The following CDK5RAP2 variants were observed in gnomAD, a reference collection of about 807,000 sequenced individuals.
The protein encoded by CDK5RAP2 is CDK5 regulatory subunit-associated protein 2.
Under a neutral mutation model 232.9 loss-of-function variants are expected in CDK5RAP2, and 147 were observed. That is an observed-to-expected ratio of 0.63 (90% confidence interval 0.55 to 0.72). CDK5RAP2 has a LOEUF of 0.72. Ranked by LOEUF, CDK5RAP2 falls within the 30% of genes least tolerant of loss-of-function variation. The pLI, the probability that CDK5RAP2 is intolerant of heterozygous loss-of-function variation, is 0.00. For missense variants in CDK5RAP2, 2,195 were observed against 2,231.5 expected, an observed-to-expected ratio of 0.98 and a Z score of 0.33; for synonymous variants, 833 against 833.7, an observed-to-expected ratio of 1.00 and a Z score of 0.01.
At chr9:120,419,733 C>G in intron 27 of CDK5RAP2, 55 bp downstream of exon 27, 1 of 1,381,794 alleles carries the variant, frequency 7.2e-7, no homozygotes, top group Non-Finnish European at 1.0e-6. Flanking sequence ...GTTAAGATGG[C>G]AAATTATTGT....
At chr9:120,552,817 C>A (rs1011582043) in intron 3 of CDK5RAP2, among the ~76,000 whole-genome samples, 1 of 149,826 alleles carries the variant, frequency 6.7e-6, no homozygotes. Flanking sequence ...ACATTGTGCA[C>A]ATGTACCCTA....
At chr9:120,557,510 C>A (rs1465694252) in intron 3 of CDK5RAP2, among the ~76,000 whole-genome samples, 1 of 152,152 alleles carries the variant, frequency 6.6e-6, no homozygotes, top group African/African-American at 2.4e-5. Context: ...AATCCCAACA[C>A]TTTGGTAGGC....
At position 120,439,583 on chromosome 9, in the gene CDK5RAP2, C is replaced by A. The variant is rs779152652; in HGVS notation, c.3538G>T (p.Val1180Leu). ...TFSSLHQVRY[V>L]KHVKILGPLA... ...GGACCGAGGATTTTCACGTGTTTCA[C>A]GTATCGCACTTGGTGCAAACTTGAA... Residue 1180 changes from valine (V) to leucine (L), a missense_variant, in exon 24 of 38, where the codon GTG becomes TTG. Coordinates refer to ENST00000349780, the MANE Select transcript of CDK5RAP2 (RefSeq NM_018249.6). 6.2e-7 allele frequency: 1 copy of A among 1,614,216 alleles called. No individual in the cohort carries two copies. Among genetic ancestry groups the A allele is most frequent in the Admixed American group, 1.7e-5 (1 of 60,030 alleles).
Position 120,428,863 on chromosome 9 carries a change from A to C in CDK5RAP2, c.3956-6122T>G, listed in dbSNP as rs1180964304. ...CATTGATGCAAAAATCCTCAATAAA[A>C]TACTGGCAAACCGAATCCAGCAGCA... On this transcript the variant is annotated intron_variant, in intron 25 of 37. Transcript: ENST00000349780. 3.3e-5 allele frequency among the ~76,000 whole-genome samples: 5 copies of C among 152,358 alleles called. No individual in the cohort carries two copies. In the East Asian group the frequency reaches 9.6e-4, roughly 29 times the overall value.
At chr9:120,542,395 C>T (rs1012466424) in intron 5 of CDK5RAP2, among the ~76,000 whole-genome samples, 1 of 151,820 alleles carries the variant, frequency 6.6e-6, no homozygotes, top group Non-Finnish European at 1.5e-5. Context: ...ATCCCAGCTA[C>T]TCGGGAGGCT....
chr9:120,438,265 A>G (rs2035700243), intron 24 of CDK5RAP2, among the ~76,000 whole-genome samples: 2 of 152,208 alleles, frequency 1.3e-5, no homozygotes, highest in African/African-American at 4.8e-5. Flanking sequence ...ACTCATGTAA[A>G]CTGGCCACAA....
intron 12 of CDK5RAP2, among the ~76,000 whole-genome samples, chr9:120,498,151 C>T (rs114246226): frequency 0.014 from 2,116 of 152,314 alleles, 48 homozygotes; most frequent in African/African-American, 0.049. Context: ...CATATTCTCA[C>T]CACCTGTTTC....
intron 21 of CDK5RAP2, 126 bp downstream of exon 21, chr9:120,453,330 C>A: frequency 1.2e-6 from 1 of 860,120 alleles, no homozygotes. Flanking sequence ...AGGGTAAGTG[C>A]AAGCAGAGGG....
chr9:120,518,141 T>G (rs2040423811), intron 12 of CDK5RAP2, among the ~76,000 whole-genome samples: 1 of 150,810 alleles, frequency 6.6e-6, no homozygotes, highest in African/African-American at 2.4e-5. Flanking sequence ...GATACAAAAC[T>G]GTATTTTCAA....
At chr9:120,540,734 T>C (rs2041596022) in intron 5 of CDK5RAP2, among the ~76,000 whole-genome samples, 1 of 152,198 alleles carries the variant, frequency 6.6e-6, no homozygotes, top group Non-Finnish European at 1.5e-5. Flanking sequence ...AGTTTCCTCA[T>C]GTGAAAAATG....
At chr9:120,543,771 T>C (rs972219924) in intron 5 of CDK5RAP2, among the ~76,000 whole-genome samples, 6 of 152,136 alleles carry the variant, frequency 3.9e-5, no homozygotes, top group Non-Finnish European at 5.9e-5. Flanking sequence ...GGCAGGAGAA[T>C]CGCCTGGACC....
chr9:120,429,956 G>A (rs1037162722), intron 25 of CDK5RAP2, among the ~76,000 whole-genome samples: 40 of 152,146 alleles, frequency 2.6e-4, no homozygotes, highest in African/African-American at 8.4e-4. Context: ...AAATAATGCC[G>A]CATATCTACA....
intron 1 of CDK5RAP2, among the ~76,000 whole-genome samples, chr9:120,577,623 A>G (rs1046572199): frequency 6.6e-6 from 1 of 152,144 alleles, no homozygotes; most frequent in African/African-American, 2.4e-5. Context: ...GGGAAAGGAG[A>G]ATATTTGCTG....
chr9:120,496,473 C>T (rs2039249073), intron 12 of CDK5RAP2, among the ~76,000 whole-genome samples: 8 of 136,464 alleles, frequency 5.9e-5, no homozygotes, highest in Non-Finnish European at 9.7e-5. Flanking sequence ...AGTGAGGAGC[C>T]CCTCTGCCCG....
In CDK5RAP2 at chr9:120,437,525, T is replaced by C. The variant is rs2035655382; in HGVS notation, c.3725A>G (p.Tyr1242Cys). Residue 1242 changes from tyrosine (Y) to cysteine (C), a missense_variant and splice_region_variant, in exon 25 of 38, where the codon TAC (tyrosine) becomes TGC (cysteine). Tyr to Cys is a radical substitution (Grantham distance 194). Transcript: ENST00000349780. ...NKFRDLSPPR[Y>C]DSLVQSQARE... ...GGCTTGGGACTGAACTAATGAATCG[T>C]ATCTGATAAAAGAGGGGAAAGAAAA... 1 of 1,609,336 alleles carries C rather than the reference T, an allele frequency of 6.2e-7. No homozygotes were observed.
rs1186586516 is a variant in CDK5RAP2, at chr9:120,453,448, A to T, written c.2793+8T>A. ...GTAAGTACATAATTATTACATGGAA[A>T]AACTTACTCTGTTGGTAATACCAGG... On this transcript the variant is annotated splice_region_variant and intron_variant, in intron 21 of 37. Transcript: ENST00000349780. 1 of 1,600,838 alleles carries T rather than the reference A, an allele frequency of 6.2e-7. No homozygotes were observed. Among genetic ancestry groups the T allele is most frequent in the South Asian group, 1.1e-5 (1 of 90,886 alleles).
intron 36 of CDK5RAP2, among the ~76,000 whole-genome samples, chr9:120,391,113 TC>T: frequency 6.6e-6 from 1 of 152,204 alleles, no homozygotes; most frequent in South Asian, 2.1e-4. Flanking sequence ...TCCGCATTTT[TC>T]CACAGAGAGA....
Position 120,453,692 on chromosome 9 carries a change from A to G in CDK5RAP2, c.2557T>C (p.Cys853Arg). The G allele has an allele frequency of 6.2e-7, 1 of 1,614,216 alleles. No individual in the cohort carries two copies. The highest frequency in any genetic ancestry group is 8.5e-7 in the Non-Finnish European group (1 of 1,180,028). Reference protein sequence around the residue: ...SKPHDELKLSCEAQLVKAGEV... With the variant: ...SKPHDELKLSREAQLVKAGEV... The stretch of plus-strand genomic sequence containing the variant: ...CCTGCCTTTACTAGCTGGGCCTCAC[A>G]AGACAACTTCAGTTCATCATGTGGC... Residue 853 changes from cysteine (C) to arginine (R), a missense_variant, in exon 21 of 38, where the codon TGT becomes CGT. Cys to Arg is a radical substitution (Grantham distance 180, BLOSUM62 -3). Transcript: ENST00000349780.
chr9:120,540,130 G>A (rs539637576), intron 5 of CDK5RAP2, among the ~76,000 whole-genome samples: 13 of 152,130 alleles, frequency 8.5e-5, no homozygotes, highest in Non-Finnish European at 1.6e-4. Flanking sequence ...CCACATGACC[G>A]GCAGTGGTGG....
Sources: allele counts gnomAD v4.1 joint callset (sites outside exome capture counted in the v4.1 genomes callset), GRCh38; gene constraint gnomAD v4.1.1; transcripts MANE v1.5; gene names NCBI Gene and HGNC (gene_info 2026-07-23, HGNC 2026-07-21).